Variants in GNAI3 observed in about 807,000 individuals in gnomAD.
The protein encoded by GNAI3 is guanine nucleotide-binding protein G(i) subunit alpha-3.
GNAI3 carries 12 observed loss-of-function variants against 41.8 expected under a neutral mutation model. The observed-to-expected ratio is 0.29, with a 90% CI of 0.18 to 0.47. The LOEUF (loss-of-function observed/expected upper bound fraction) is 0.47, where lower values mean the gene tolerates loss of function less well. Among genes scored for constraint, GNAI3 ranks in the 20% least tolerant of loss-of-function variants. The pLI is 1.00. For synonymous variants in GNAI3, 132 were observed against 146.5 expected (o/e 0.90, Z 0.71); for missense variants, 360 against 429.6 (o/e 0.84, Z 1.43).
Position 109,582,505 on chromosome 1 carries a change from C to G in GNAI3, c.530C>G (p.Thr177Arg). ...CCAACTCAGCAAGATGTTCTTCGGA[C>G]GAGAGTGAAGACCACAGGCATTGTA... Reference protein sequence around the residue: ...YIPTQQDVLRTRVKTTGIVET... With the variant: ...YIPTQQDVLRRRVKTTGIVET... Residue 177 changes from threonine to arginine, a missense_variant, in exon 5 of 9, where the codon ACG (threonine) becomes AGG (arginine). By Grantham distance (71) the Thr-to-Arg change is moderately conservative. Coordinates refer to ENST00000369851, the MANE Select transcript of GNAI3 (RefSeq NM_006496.4). 1.9e-6 allele frequency: 3 copies of G among 1,598,784 alleles called. No homozygotes were observed. Among genetic ancestry groups the G allele is most frequent in the Non-Finnish European group, 2.6e-6 (3 of 1,166,140 alleles).
intron 1 of GNAI3, among the ~76,000 whole-genome samples, chr1:109,558,292 G>T (rs12066057): frequency 6.6e-6 from 1 of 151,920 alleles, no homozygotes; most frequent in Non-Finnish European, 1.5e-5. Context: ...GCGTGGTGGT[G>T]CACACCTGTA....
chr1:109,578,025 T>A lies in GNAI3; in HGVS notation c.304-1179T>A, dbSNP rs191904731. 5.5e-3 allele frequency among the ~76,000 whole-genome samples: 843 copies of A among 152,346 alleles called. 6 individuals carry two copies. Among genetic ancestry groups the A allele is most frequent in the Non-Finnish European group, 9.4e-3 (638 of 68,022 alleles). On this transcript the variant is annotated intron_variant, in intron 3 of 8. Transcript: ENST00000369851. ...TCTCTCAAGGTAGATAAATATTAGA[T>A]GTGGATGGGAAAATCATCCCGTGAG...
At chr1:109,567,803 A>G (rs1474618203) in intron 1 of GNAI3, among the ~76,000 whole-genome samples, 3 of 152,240 alleles carry the variant, frequency 2.0e-5, no homozygotes, top group Non-Finnish European at 4.4e-5. Context: ...AACATTTACT[A>G]TGTGCCAGGC....
rs942128684 is a variant in GNAI3, at chr1:109,598,987, C to T, written c.*6665C>T. 1.5e-5 allele frequency: 8 copies of T among 534,628 alleles called. No homozygotes were observed. Among genetic ancestry groups the T allele is most frequent in the African/African-American group, 1.2e-4 (6 of 51,936 alleles). The allele number at this position is 534,628 out of a possible 1,614,324, so 33.1% of individuals were successfully genotyped here. On this transcript the variant is annotated 3_prime_UTR_variant, in exon 9 of 9. Transcript: ENST00000369851. ...ATGGCCGGCACACTTTGGTCTACGG[C>T]ACATCTCCAAGTATAGAGTGGGTTT...
chr1:109,573,648 T>A, intron 1 of GNAI3, 89 bp from the exon 2 acceptor site: 2 of 1,113,986 alleles, frequency 1.8e-6, no homozygotes, highest in Non-Finnish European at 2.7e-6. Flanking sequence ...ACCCGTGGTT[T>A]TCATCAATCT....
At chr1:109,584,986 A>G (rs1326441174) in intron 5 of GNAI3, among the ~76,000 whole-genome samples, 3 of 152,388 alleles carry the variant, frequency 2.0e-5, no homozygotes, top group Middle Eastern at 3.4e-3. Context: ...AGAATCGTGC[A>G]AGATCAACCC....
At position 109,597,969 on chromosome 1, in the gene GNAI3, A is replaced by G. The variant is rs1649355903; in HGVS notation, c.*5647A>G. On this transcript the variant is annotated 3_prime_UTR_variant, in exon 9 of 9. Coordinates refer to ENST00000369851, the MANE Select transcript of GNAI3 (RefSeq NM_006496.4). Reference sequence around the variant, plus strand: ...CAGTGCTAGTGTTTTCCTGAAATCTAGTGAGAATCACAAGGTACCAGAAAT... The same window carrying G: ...CAGTGCTAGTGTTTTCCTGAAATCTGGTGAGAATCACAAGGTACCAGAAAT... 1 of 152,254 alleles carries G rather than the reference A, an allele frequency of 6.6e-6. No homozygotes were observed. Among genetic ancestry groups the G allele is most frequent in the Non-Finnish European group, 1.5e-5 (1 of 68,046 alleles). 9.4% of individuals were successfully genotyped at this position (152,254 alleles called of 1,614,324 possible).
intron 1 of GNAI3, among the ~76,000 whole-genome samples, chr1:109,553,074 G>C (rs959154270): frequency 6.6e-6 from 1 of 152,174 alleles, no homozygotes; most frequent in African/African-American, 2.4e-5. Flanking sequence ...CACTTCTATT[G>C]ATGATGATGA....
intron 5 of GNAI3, among the ~76,000 whole-genome samples, chr1:109,584,534 A>T (rs1033578451): frequency 6.6e-6 from 1 of 152,234 alleles, no homozygotes; most frequent in African/African-American, 2.4e-5. Context: ...AGCCAGATCT[A>T]ATTAAGGTGC....
chr1:109,591,744 G>A (rs966601888), intron 7 of GNAI3: 2 of 362,828 alleles, frequency 5.5e-6, no homozygotes, highest in African/African-American at 4.2e-5. Flanking sequence ...TACTTTCCTA[G>A]TTTCCTTTTA....
At chr1:109,555,963 C>CGT (rs71069692) in intron 1 of GNAI3, among the ~76,000 whole-genome samples, 3,945 of 144,558 alleles carry the variant, frequency 0.027, 113 homozygotes, top group African/African-American at 0.071. Flanking sequence ...TGCGTGCGTG[C>CGT]GTGTGTGTGT....
In GNAI3 at chr1:109,574,012, T is replaced by G; in HGVS notation, c.278T>G (p.Ile93Ser). 1 of 1,612,388 alleles carries G rather than the reference T, an allele frequency of 6.2e-7. No individual in the cohort carries two copies. The highest frequency in any genetic ancestry group is 2.2e-5 in the East Asian group (1 of 44,856). ...ATAAGAGCCATGGGACGGCTAAAGA[T>G]TGACTTTGGGGAAGCTGCCAGGGCA... ...AIIRAMGRLK[I>S]DFGEAARADD... The change falls in exon 3 of 9, where the codon ATT becomes AGT. Residue 93 changes from isoleucine (I) to serine (S), a missense_variant. Transcript: ENST00000369851.
At chr1:109,580,861 T>C (rs1244028872) in intron 4 of GNAI3, among the ~76,000 whole-genome samples, 1 of 152,250 alleles carries the variant, frequency 6.6e-6, no homozygotes, top group African/African-American at 2.4e-5. Context: ...CACATGACTG[T>C]ATTTGAAAAC....
chr1:109,558,872 G>A (rs534587308), intron 1 of GNAI3, among the ~76,000 whole-genome samples: 26 of 152,064 alleles, frequency 1.7e-4, no homozygotes, highest in Non-Finnish European at 2.8e-4. Context: ...AAGAAGGGAT[G>A]CAGGTCTTCA....
chr1:109,586,200 C>G lies in GNAI3; in HGVS notation c.591-16C>G. ...TGTGTGACCTTGCTGAATTTGCTTT[C>G]TTTCCCCTTGCGCAGGATGTTTGAT... On this transcript the variant is annotated splice_polypyrimidine_tract_variant and intron_variant, in intron 5 of 8. Coordinates refer to ENST00000369851, the MANE Select transcript of GNAI3 (RefSeq NM_006496.4). 6.2e-7 allele frequency: 1 copy of G among 1,610,718 alleles called. No individual in the cohort carries two copies. The highest frequency in any genetic ancestry group is 1.1e-5 in the South Asian group (1 of 90,710).
At position 109,592,023 on chromosome 1, in the gene GNAI3, GTA is replaced by G; in HGVS notation, c.875-19_875-18del. On this transcript the variant is annotated intron_variant, in intron 7 of 8. Transcript: ENST00000369851. Reference sequence around the variant, plus strand: ...GCAGCTGTTACAATTTGAACTGAGAGTACTGGGTGTCCGTTTTAGGTTCCAAT... The same window carrying G: ...GCAGCTGTTACAATTTGAACTGAGAGCTGGGTGTCCGTTTTAGGTTCCAAT... The G allele has an allele frequency of 6.4e-7, 1 of 1,556,312 alleles. No homozygotes were observed. Among genetic ancestry groups the G allele is most frequent in the South Asian group, 1.1e-5 (1 of 88,462 alleles).
intron 1 of GNAI3, among the ~76,000 whole-genome samples, chr1:109,562,824 A>G (rs1346720982): frequency 2.0e-5 from 3 of 152,128 alleles, no homozygotes; most frequent in African/African-American, 7.2e-5. Context: ...AAATTTTACA[A>G]TTTTGGGATA....
rs938783238 is a variant in GNAI3, at chr1:109,599,722, C to T, written c.*7400C>T. On this transcript the variant is annotated 3_prime_UTR_variant, in exon 9 of 9. Coordinates refer to ENST00000369851, the MANE Select transcript of GNAI3 (RefSeq NM_006496.4). Reference sequence around the variant, plus strand: ...TATTTTTGTGATTTTATGCTGTTTTCATATTCTATTTTGAGATCTATTTGT... The same window carrying T: ...TATTTTTGTGATTTTATGCTGTTTTTATATTCTATTTTGAGATCTATTTGT... 1 of 152,108 alleles carries T rather than the reference C, an allele frequency of 6.6e-6. No individual in the cohort carries two copies. The highest frequency in any genetic ancestry group is 2.4e-5 in the African/African-American group (1 of 41,406). 9.4% of individuals were successfully genotyped at this position (152,108 alleles called of 1,614,324 possible). A position where few individuals can be genotyped will look rare whatever the true frequency, so the allele number is the denominator to read the frequency against.
At position 109,586,316 on chromosome 1, in the gene GNAI3, G is replaced by T; in HGVS notation, c.691G>T (p.Asp231Tyr). The T allele has an allele frequency of 6.2e-7, 1 of 1,612,950 alleles. No individual in the cohort carries two copies. The highest frequency in any genetic ancestry group is 8.5e-7 in the Non-Finnish European group (1 of 1,179,362). The change falls in exon 6 of 9, where the codon GAC becomes TAC. Residue 231 changes from aspartate to tyrosine, a missense_variant. Asp to Tyr is a radical substitution (Grantham distance 160). Transcript: ENST00000369851. ...CTTCTGTGTGGCCCTCAGTGATTAT[G>T]ACCTTGTTCTGGCTGAGGACGAGGA... ...IIFCVALSDY[D>Y]LVLAEDEEMN...
Sources: gnomAD v4.1 joint callset for allele counts (sites outside exome capture counted in the v4.1 genomes callset) on GRCh38, gnomAD v4.1.1 for gene constraint, MANE v1.5 for transcripts, NCBI Gene and HGNC (gene_info 2026-07-23, HGNC 2026-07-21) for gene names.